SBNO1: variants seen among roughly 807,000 people sequenced by gnomAD.
SBNO1 encodes protein strawberry notch homolog 1.
A neutral mutation model predicts 173.6 loss-of-function variants in SBNO1; 23 were observed. The ratio of observed to expected loss-of-function variants is 0.13; its 90% CI spans 0.10 to 0.19. The LOEUF is 0.19. Among genes scored for constraint, SBNO1 ranks in the 10% least tolerant of loss-of-function variants. The probability of loss-of-function intolerance (pLI) is 1.00; values close to 1 mark genes in which losing one functional copy is unlikely to be tolerated. For synonymous variants in SBNO1, 632 were observed against 571.5 expected, an observed-to-expected ratio of 1.11 and a Z score of -1.51; for missense variants, 1,238 against 1,671.2, an observed-to-expected ratio of 0.74 and a Z score of 4.52.
chr12:123,356,361 G>C (rs548732822), intron 1 of SBNO1, among the ~76,000 whole-genome samples: 1 of 152,276 alleles, frequency 6.6e-6, no homozygotes, highest in African/African-American at 2.4e-5. Context: ...CCATATCACT[G>C]ATTCAGCACT....
chr12:123,308,524 T>C (rs2048978344), intron 28 of SBNO1, among the ~76,000 whole-genome samples: 1 of 150,980 alleles, frequency 6.6e-6, no homozygotes, highest in Non-Finnish European at 1.5e-5. Flanking sequence ...CAAAAAAAAT[T>C]AGCCAGGCGT....
chr12:123,337,813 T>C (rs1242563365), intron 5 of SBNO1, among the ~76,000 whole-genome samples: 1 of 152,166 alleles, frequency 6.6e-6, no homozygotes, highest in Non-Finnish European at 1.5e-5. Context: ...CTGTCCTCGC[T>C]TATAAAATAA....
intron 4 of SBNO1, among the ~76,000 whole-genome samples, chr12:123,342,080 A>T (rs944092654): frequency 6.6e-6 from 1 of 151,662 alleles, no homozygotes; most frequent in African/African-American, 2.4e-5. Flanking sequence ...GAGGAGGCCC[A>T]GTCTCTACTA....
In SBNO1 at chr12:123,291,876, G is replaced by C. The variant is rs1374481251; in HGVS notation, c.*4032C>G. On this transcript the variant is annotated 3_prime_UTR_variant, in exon 32 of 32. Coordinates refer to ENST00000602398, the MANE Select transcript of SBNO1 (RefSeq NM_001167856.3). Reference sequence around the variant, plus strand: ...ATTTATGTACATATATATAAATACAGCACAAAATTAGAGGGTGGGTTTTGG... The same window carrying C: ...ATTTATGTACATATATATAAATACACCACAAAATTAGAGGGTGGGTTTTGG... The C allele has an allele frequency of 6.6e-6, 1 of 151,810 alleles. No homozygotes were observed. Among genetic ancestry groups the C allele is most frequent in the East Asian group, 1.9e-4 (1 of 5,190 alleles). The allele number at this position is 151,810 out of a possible 1,614,324, so 9.4% of individuals were successfully genotyped here.
chr12:123,314,694 G>C (rs1790716293), intron 23 of SBNO1, among the ~76,000 whole-genome samples: 1 of 151,810 alleles, frequency 6.6e-6, no homozygotes, highest in Non-Finnish European at 1.5e-5. Context: ...CTGGAGTGCA[G>C]TGGCATGATC....
chr12:123,304,560 T>A, intron 29 of SBNO1, 22 bp downstream of exon 29: 5 of 1,470,220 alleles, frequency 3.4e-6, no homozygotes, highest in Non-Finnish European at 4.7e-6. Context: ...CTATATAATA[T>A]AATGTACAAA....
intron 2 of SBNO1, chr12:123,348,978 TTA>T (rs1451152134): frequency 7.5e-6 from 1 of 133,620 alleles, no homozygotes; most frequent in East Asian, 1.9e-4. Flanking sequence ...AAAATTTTTT[TTA>T]GTCTTTTTTT....
At chr12:123,334,357 T>C in intron 6 of SBNO1, 144 bp from the exon 7 acceptor site, 1 of 594,470 alleles carries the variant, frequency 1.7e-6, no homozygotes, top group Non-Finnish European at 2.9e-6. Context: ...AAAAAGTAAC[T>C]GATGACAAAG....
At chr12:123,301,819 C>T (rs531881602) in intron 30 of SBNO1, among the ~76,000 whole-genome samples, 1 of 152,146 alleles carries the variant, frequency 6.6e-6, no homozygotes, top group East Asian at 1.9e-4. Flanking sequence ...TTTGAGGCTG[C>T]AGTGAGCTAT....
chr12:123,318,834 TTAATA>T (rs892985666), intron 20 of SBNO1, among the ~76,000 whole-genome samples: 91 of 151,998 alleles, frequency 6.0e-4, no homozygotes, highest in African/African-American at 2.1e-3. Context: ...GTAAATCGTC[TTAATA>T]TAACATGACA....
rs1022905571 is a variant in SBNO1 at position 123,353,317 on chromosome 12, G to C, written c.1-2876C>G. On this transcript the variant is annotated intron_variant, in intron 1 of 31. Transcript: ENST00000602398. ...GGTCAGAAAACTTAAATCATCTACC[G>C]AAGTTCACTCACGCAGGAAGTGGTA... Among the ~76,000 whole-genome samples the C allele has an allele frequency of 8.5e-5, 13 of 152,218 alleles. No individual in the cohort carries two copies. In the South Asian group the frequency reaches 2.5e-3, roughly 29 times the overall value.
intron 30 of SBNO1, among the ~76,000 whole-genome samples, chr12:123,298,908 G>T (rs1267482783): frequency 6.6e-6 from 1 of 152,076 alleles, no homozygotes; most frequent in Non-Finnish European, 1.5e-5. Context: ...TGTGCAACAT[G>T]GCGAGGCTCT....
rs2048533449 is a variant in SBNO1, at chr12:123,292,918, T to C, written c.*2990A>G. 1.3e-5 allele frequency: 2 copies of C among 152,210 alleles called. No homozygotes were observed. Among genetic ancestry groups the C allele is most frequent in the Non-Finnish European group, 1.5e-5 (1 of 68,038 alleles). The allele number at this position is 152,210 out of a possible 1,614,324, so 9.4% of individuals were successfully genotyped here. A position where few individuals can be genotyped will look rare whatever the true frequency, so the allele number is the denominator to read the frequency against. Reference sequence around the variant, plus strand: ...TATCATTGATAGTGTATCTGGATAATCCCAGTAACTACAGACAGAGACCTT... The same window carrying C: ...TATCATTGATAGTGTATCTGGATAACCCCAGTAACTACAGACAGAGACCTT... On this transcript the variant is annotated 3_prime_UTR_variant, in exon 32 of 32. Transcript: ENST00000602398.
At chr12:123,298,226 G>T in intron 30 of SBNO1, 55 bp from the exon 31 acceptor site, 1 of 1,458,752 alleles carries the variant, frequency 6.9e-7, no homozygotes, top group Admixed American at 2.3e-5. Flanking sequence ...ACACAGACAC[G>T]TTTCTAAAAG....
At chr12:123,315,873 A>C (rs1281743594) in intron 21 of SBNO1, among the ~76,000 whole-genome samples, 1 of 152,218 alleles carries the variant, frequency 6.6e-6, no homozygotes, top group Non-Finnish European at 1.5e-5. Flanking sequence ...ACCACATGTT[A>C]CTGATGCACA....
intron 25 of SBNO1, among the ~76,000 whole-genome samples, chr12:123,310,596 GCA>G (rs1377383625): frequency 6.6e-6 from 1 of 151,396 alleles, no homozygotes; most frequent in African/African-American, 2.4e-5. Flanking sequence ...GTGCAGTGGT[GCA>G]ATCTCGGCTC....
At chr12:123,301,011 T>TAA (rs1365217538) in intron 30 of SBNO1, among the ~76,000 whole-genome samples, 1 of 151,688 alleles carries the variant, frequency 6.6e-6, no homozygotes, top group Non-Finnish European at 1.5e-5. Flanking sequence ...TAGGTTAACT[T>TAA]TTAAAACTTT....
chr12:123,325,480 A>G (rs1307655129), intron 15 of SBNO1, 22 bp downstream of exon 15: 2 of 1,545,354 alleles, frequency 1.3e-6, no homozygotes, highest in Admixed American at 3.4e-5. Context: ...AAACAAAAAC[A>G]TTAAAAGAAC....
chr12:123,331,641 C>T (rs1053670749), intron 7 of SBNO1, among the ~76,000 whole-genome samples: 1 of 152,062 alleles, frequency 6.6e-6, no homozygotes. Flanking sequence ...CCTTCCTCAG[C>T]CTCCTGAGTA....
Sources: gnomAD v4.1 joint callset for allele counts (sites outside exome capture counted in the v4.1 genomes callset) on GRCh38, gnomAD v4.1.1 for gene constraint, MANE v1.5 for transcripts, NCBI Gene and HGNC (gene_info 2026-07-23, HGNC 2026-07-21) for gene names.